Variants in NUCKS1 observed in about 807,000 individuals in gnomAD.
NUCKS1 encodes nuclear casein kinase and cyclin dependent kinase substrate 1.
In NUCKS1, 2 loss-of-function variants were observed where a neutral mutation model predicts 33.0. The ratio of observed to expected loss-of-function variants is 0.06; its 90% confidence interval spans 0.02 to 0.19. The LOEUF (loss-of-function observed/expected upper bound fraction) is 0.19. Ranked by LOEUF, NUCKS1 falls within the 10% of genes least tolerant of loss-of-function variation. The probability of loss-of-function intolerance (pLI) is 1.00; values close to 1 mark genes in which losing one functional copy is unlikely to be tolerated. For missense variants in NUCKS1, 201 were observed against 293.6 expected (o/e 0.68, Z 2.31); for synonymous variants, 106 against 102.8 (o/e 1.03, Z -0.19).
At chr1:205,746,852 AG>A (rs568614140) in intron 1 of NUCKS1, among the ~76,000 whole-genome samples, 5 of 152,236 alleles carry the variant, frequency 3.3e-5, no homozygotes, top group Admixed American at 2.0e-4. Flanking sequence ...GTTAAACAAA[AG>A]GTATCAAGCA....
chr1:205,732,257 A>T (rs982703107), intron 1 of NUCKS1, among the ~76,000 whole-genome samples: 1 of 152,256 alleles, frequency 6.6e-6, no homozygotes, highest in African/African-American at 2.4e-5. Context: ...ATATTACCAA[A>T]GATACTATAT....
chr1:205,750,014 C>CCGGGGG lies in NUCKS1; in HGVS notation c.-42_-41insCCCCCG. ...AGGACCGAGTCGAGAAGCCAAAGACCAGGACCCCCCCCACCCCGCGCGCTC... is the reference window on the plus strand; with the variant it reads ...AGGACCGAGTCGAGAAGCCAAAGACCCGGGGGAGGACCCCCCCCACCCCGCGCGCTC... On this transcript the variant is annotated 5_prime_UTR_variant, in exon 1 of 7. Transcript: ENST00000367142. 7 of 1,568,878 alleles carry CCGGGGG rather than the reference C, an allele frequency of 4.5e-6. No homozygotes were observed. The highest frequency in any genetic ancestry group is 1.7e-5 in the Admixed American group (1 of 57,672).
At chr1:205,721,433 C>T (rs1470315723) in intron 4 of NUCKS1, among the ~76,000 whole-genome samples, 1 of 152,170 alleles carries the variant, frequency 6.6e-6, no homozygotes. Context: ...TACATGACTC[C>T]TATACTTTAA....
intron 1 of NUCKS1, among the ~76,000 whole-genome samples, chr1:205,738,857 T>C (rs1654096321): frequency 6.6e-6 from 1 of 151,788 alleles, no homozygotes. Context: ...GCAGTGCGAG[T>C]CGAGATCACC....
At chr1:205,730,606 A>G (rs1448423629) in intron 1 of NUCKS1, among the ~76,000 whole-genome samples, 1 of 151,634 alleles carries the variant, frequency 6.6e-6, no homozygotes, top group African/African-American at 2.4e-5. Context: ...CTCCTGCTTC[A>G]GCCTCCCGAG....
rs1671961075 is a variant in NUCKS1 at position 205,723,796 on chromosome 1, T to C, written c.229+130A>G. The C allele has an allele frequency of 3.0e-5, 19 of 637,674 alleles. No homozygotes were observed. In the South Asian group the frequency reaches 3.9e-4, roughly 13 times the overall value. The allele number at this position is 637,674 out of a possible 1,614,324, so 39.5% of individuals were successfully genotyped here. ...CAGGACTGACAATCATTAGGAGCTC[T>C]TTGAAGATGGAAACGTCTTTGTAAT... On this transcript the variant is annotated intron_variant, in intron 4 of 6. Transcript: ENST00000367142.
chr1:205,723,883 T>G, intron 4 of NUCKS1, 43 bp downstream of exon 4: 1 of 1,345,692 alleles, frequency 7.4e-7, no homozygotes, highest in South Asian at 1.2e-5. Context: ...TAAAATAATA[T>G]ACAAATATAA....
At position 205,727,561 on chromosome 1, in the gene NUCKS1, T is replaced by G. The variant is rs1440361222; in HGVS notation, c.173+139A>C. On this transcript the variant is annotated intron_variant, in intron 3 of 6. Coordinates refer to ENST00000367142, the MANE Select transcript of NUCKS1 (RefSeq NM_022731.5). ...TATACTCGAGCACAGCCTGAGATAA[T>G]ATGAAATATGCAAAATATTAAGTGG... 6.0e-6 allele frequency: 4 copies of G among 662,672 alleles called. No homozygotes were observed. In the East Asian group the frequency reaches 1.1e-4, roughly 19 times the overall value. The allele number at this position is 662,672 out of a possible 1,614,324, so 41.0% of individuals were successfully genotyped here.
chr1:205,745,612 T>C (rs761435426), intron 1 of NUCKS1, among the ~76,000 whole-genome samples: 3 of 152,228 alleles, frequency 2.0e-5, no homozygotes, highest in Non-Finnish European at 4.4e-5. Context: ...GTATGGAATG[T>C]ATTCACCATT....
chr1:205,741,881 T>A (rs1191928892), intron 1 of NUCKS1, among the ~76,000 whole-genome samples: 3 of 152,244 alleles, frequency 2.0e-5, no homozygotes, highest in Admixed American at 6.5e-5. Context: ...GCTAGTTCTC[T>A]GTGTCAAAAT....
chr1:205,739,474 T>C (rs540104338), intron 1 of NUCKS1, among the ~76,000 whole-genome samples: 3 of 152,272 alleles, frequency 2.0e-5, no homozygotes, highest in Admixed American at 1.3e-4. Flanking sequence ...AACTCAAATT[T>C]TTTTTTTTCT....
In NUCKS1 at chr1:205,715,081, A is replaced by G. The variant is rs1671800221; in HGVS notation, c.*3199T>C. On this transcript the variant is annotated 3_prime_UTR_variant, in exon 7 of 7. Transcript: ENST00000367142. The stretch of plus-strand genomic sequence containing the variant: ...AATCCACTTATCTGAATGTTCACAG[A>G]TAAAAAAGCCATTAAAAAAAAGAGT... The G allele has an allele frequency of 6.6e-6, 1 of 152,210 alleles. No individual in the cohort carries two copies. The highest frequency in any genetic ancestry group is 1.5e-5 in the Non-Finnish European group (1 of 68,042). The allele number at this position is 152,210 out of a possible 1,614,324, so 9.4% of individuals were successfully genotyped here. A position where few individuals can be genotyped will look rare whatever the true frequency, so the allele number is the denominator to read the frequency against.
chr1:205,749,295 A>G (rs1332542521), intron 1 of NUCKS1, among the ~76,000 whole-genome samples: 1 of 152,060 alleles, frequency 6.6e-6, no homozygotes, highest in Non-Finnish European at 1.5e-5. Context: ...GCAGCCCATT[A>G]TTTTCCAGGA....
In NUCKS1 at chr1:205,717,670, A is replaced by G; in HGVS notation, c.*610T>C. 1.0e-6 allele frequency: 1 copy of G among 985,372 alleles called. No homozygotes were observed. Among genetic ancestry groups the G allele is most frequent in the Non-Finnish European group, 1.2e-6 (1 of 829,910 alleles). 61.0% of individuals were successfully genotyped at this position (985,372 alleles called of 1,614,324 possible). On this transcript the variant is annotated 3_prime_UTR_variant, in exon 7 of 7. Coordinates refer to ENST00000367142, the MANE Select transcript of NUCKS1 (RefSeq NM_022731.5). ...AAGGTAAAAAATGAGTACTTTTAGTAACAGTTCAGAATTCATCTTTATCTC... is the reference window on the plus strand; with the variant it reads ...AAGGTAAAAAATGAGTACTTTTAGTGACAGTTCAGAATTCATCTTTATCTC...
At chr1:205,721,677 T>C (rs1464353931) in intron 4 of NUCKS1, among the ~76,000 whole-genome samples, 1 of 136,572 alleles carries the variant, frequency 7.3e-6, no homozygotes, top group African/African-American at 2.7e-5. Flanking sequence ...GTGGAAAACC[T>C]TTTTTTTTTT....
At chr1:205,740,122 C>A (rs1438458901) in intron 1 of NUCKS1, among the ~76,000 whole-genome samples, 1 of 149,864 alleles carries the variant, frequency 6.7e-6, no homozygotes, top group Non-Finnish European at 1.5e-5. Context: ...CCTGCCTCAG[C>A]CACCCCAGTA....
chr1:205,718,724 T>C (rs1671870938), intron 6 of NUCKS1, among the ~76,000 whole-genome samples: 1 of 152,204 alleles, frequency 6.6e-6, no homozygotes, highest in South Asian at 2.1e-4. Context: ...CACTCTATGA[T>C]GTTAGCAGTA....
chr1:205,744,733 A>G (rs1362859344), intron 1 of NUCKS1, among the ~76,000 whole-genome samples: 2 of 141,004 alleles, frequency 1.4e-5, no homozygotes, highest in Admixed American at 1.6e-4. Context: ...CCTGGGTTCA[A>G]GCGATTCTCC....
At chr1:205,726,967 G>GT (rs978007927) in intron 3 of NUCKS1, among the ~76,000 whole-genome samples, 1 of 151,868 alleles carries the variant, frequency 6.6e-6, no homozygotes, top group African/African-American at 2.4e-5. Flanking sequence ...TCGTCTTGTT[G>GT]TTGTTTTTTT....
Sources: allele counts gnomAD v4.1 joint callset (sites outside exome capture counted in the v4.1 genomes callset), GRCh38; gene constraint gnomAD v4.1.1; transcripts MANE v1.5; gene names NCBI Gene and HGNC (gene_info 2026-07-23, HGNC 2026-07-21).